The following SAMD5 variants were observed in gnomAD, a reference collection of about 807,000 sequenced individuals.
SAMD5 encodes sterile alpha motif domain-containing protein 5.
SAMD5 carries 13 observed loss-of-function variants against 11.3 expected under a neutral mutation model. The ratio of observed to expected loss-of-function variants is 1.15; its 90% confidence interval spans 0.75 to 1.83. The LOEUF (loss-of-function observed/expected upper bound fraction) is 1.83. Among genes scored for constraint, SAMD5 ranks in the 40% most tolerant of loss-of-function variants. The pLI is 0.00. For missense variants in SAMD5, 255 were observed against 239.1 expected (o/e 1.07, Z -0.44); for synonymous variants, 129 against 111.3 (o/e 1.16, Z -1.00).
the SAMD5 span, among the ~76,000 whole-genome samples, chr6:147,821,531 A>G: frequency 1.3e-5 from 2 of 152,182 alleles, no homozygotes; most frequent in Non-Finnish European, 2.9e-5. Flanking sequence ...GCCAAGTGCT[A>G]CTTTTAAGAA....
chr6:147,876,726 G>A, the SAMD5 span, among the ~76,000 whole-genome samples: 1 of 152,134 alleles, frequency 6.6e-6, no homozygotes, highest in Non-Finnish European at 1.5e-5. Flanking sequence ...TTTGAGGCTA[G>A]GTTACTTTAA....
the SAMD5 span, among the ~76,000 whole-genome samples, chr6:147,768,897 G>A: frequency 1.2e-4 from 19 of 152,092 alleles, no homozygotes; most frequent in African/African-American, 2.7e-4. Context: ...AGGTTCAAGC[G>A]ATTCTCCTGC....
chr6:147,583,742 G>A (rs1789334242), intron 1 of SAMD5, among the ~76,000 whole-genome samples: 2 of 151,916 alleles, frequency 1.3e-5, no homozygotes, highest in South Asian at 4.1e-4. Context: ...AAAATGAACA[G>A]CGGGAGAAAT....
chr6:147,876,561 A>G, the SAMD5 span, among the ~76,000 whole-genome samples: 1 of 152,182 alleles, frequency 6.6e-6, no homozygotes, highest in Non-Finnish European at 1.5e-5. Context: ...CTGTGACTCC[A>G]TATTGGTGGG....
intron 1 of SAMD5, among the ~76,000 whole-genome samples, chr6:147,530,671 G>A (rs1392087989): frequency 6.6e-6 from 1 of 152,168 alleles, no homozygotes. Flanking sequence ...TTGCAGACAG[G>A]GGAATTCCTG....
chr6:147,828,114 G>A, the SAMD5 span, among the ~76,000 whole-genome samples: 1 of 152,068 alleles, frequency 6.6e-6, no homozygotes, highest in South Asian at 2.1e-4. Context: ...CCCTGTCTTT[G>A]CTAACCTTAC....
the SAMD5 span, among the ~76,000 whole-genome samples, chr6:147,818,925 C>T: frequency 6.6e-6 from 1 of 152,178 alleles, no homozygotes; most frequent in Non-Finnish European, 1.5e-5. Context: ...GTGGCGATTA[C>T]TCAAAGAGCT....
chr6:147,924,158 G>A, the SAMD5 span, among the ~76,000 whole-genome samples: 1 of 152,138 alleles, frequency 6.6e-6, no homozygotes, highest in Non-Finnish European at 1.5e-5. Flanking sequence ...CCTTGCCAAT[G>A]GGGGGAAAAG....
At chr6:147,570,335 G>A (rs844590), downstream of SAMD5, among the ~76,000 whole-genome samples, 13,768 of 152,162 alleles carry the variant, frequency 0.09, 1,165 homozygotes, top group African/African-American at 0.23. Flanking sequence ...GGGGGCTGTC[G>A]GGTGGTAAGA....
chr6:147,819,167 G>A, the SAMD5 span, among the ~76,000 whole-genome samples: 49 of 152,298 alleles, frequency 3.2e-4, no homozygotes, highest in African/African-American at 1.1e-3. Context: ...ATGAGATCAC[G>A]TCCTTCTCAG....
rs11961888 is a variant in SAMD5, at chr6:147,675,327, A to C, written c.163-61990A>C. ...GGGCTTCCTTTAGAATTGTAACCAC[A>C]AGTAAGCTCTGAAATGTGAAGAACC... On this transcript the variant is annotated intron_variant, in intron 1 of 1. Transcript: ENST00000566741. 6.5e-3 allele frequency among the ~76,000 whole-genome samples: 989 copies of C among 152,300 alleles called. 16 individuals are homozygous for C. Among genetic ancestry groups the C allele is most frequent in the African/African-American group, 0.023 (948 of 41,566 alleles).
At chr6:147,544,701 T>G (rs1290876816) in intron 1 of SAMD5, among the ~76,000 whole-genome samples, 3 of 152,200 alleles carry the variant, frequency 2.0e-5, no homozygotes, top group Admixed American at 6.5e-5. Flanking sequence ...TATCCTTTTG[T>G]TGATGGTATA....
chr6:147,781,382 C>T, the SAMD5 span, among the ~76,000 whole-genome samples: 1 of 152,030 alleles, frequency 6.6e-6, no homozygotes, highest in Admixed American at 6.6e-5. Context: ...TGGTGATGTG[C>T]CTTACATTTA....
At chr6:147,815,320 G>A in the SAMD5 span, among the ~76,000 whole-genome samples, 5 of 152,318 alleles carry the variant, frequency 3.3e-5, no homozygotes, top group East Asian at 1.9e-4. Flanking sequence ...TGTGCCAGGC[G>A]ATGTGCTGGA....
intron 1 of SAMD5, among the ~76,000 whole-genome samples, chr6:147,685,692 A>C (rs1202230477): frequency 6.6e-6 from 1 of 152,156 alleles, no homozygotes; most frequent in African/African-American, 2.4e-5. Flanking sequence ...TTGTACTTCC[A>C]ATAGTATTGC....
At chr6:147,726,991 A>G (rs1043918078) in intron 1 of SAMD5, among the ~76,000 whole-genome samples, 1 of 152,198 alleles carries the variant, frequency 6.6e-6, no homozygotes, top group Admixed American at 6.5e-5. Context: ...TTTCCTTGAC[A>G]TAACTAAAAA....
intron 1 of SAMD5, among the ~76,000 whole-genome samples, chr6:147,555,819 A>G (rs1275443946): frequency 4.6e-5 from 7 of 152,200 alleles, no homozygotes; most frequent in Non-Finnish European, 1.0e-4. Context: ...AAGTTTTGCC[A>G]TGGTATTAAA....
At chr6:147,547,483 CT>C (rs11286321) in intron 1 of SAMD5, among the ~76,000 whole-genome samples, 152,340 of 152,344 alleles carry the variant, frequency 1, 76,168 homozygotes, top group Middle Eastern at 1. Context: ...GGTCCACTCT[CT>C]TGAGCTGGAG....
chr6:147,721,802 A>AGC (rs1425945223), intron 1 of SAMD5, among the ~76,000 whole-genome samples: 1 of 152,170 alleles, frequency 6.6e-6, no homozygotes, highest in Non-Finnish European at 1.5e-5. Context: ...AAAGTTTTAT[A>AGC]CAATTGCACC....
Sources: allele counts gnomAD v4.1 joint callset (sites outside exome capture counted in the v4.1 genomes callset), GRCh38; gene constraint gnomAD v4.1.1; transcripts MANE v1.5; gene names NCBI Gene and HGNC (gene_info 2026-07-23, HGNC 2026-07-21).